The following NIPAL2 variants were observed in gnomAD, a reference collection of about 807,000 sequenced individuals.
NIPAL2 encodes NIPA like domain containing 2.
Under a neutral mutation model 48.9 loss-of-function variants are expected in NIPAL2, and 43 were observed. That is an observed-to-expected ratio of 0.88 (90% CI 0.69 to 1.13). The LOEUF is 1.13. Among genes scored for constraint, NIPAL2 ranks in the 50% most tolerant of loss-of-function variants. The pLI is 0.00. For synonymous variants in NIPAL2, 167 were observed against 174.6 expected (o/e 0.96, Z 0.34); for missense variants, 446 against 461.4 (o/e 0.97, Z 0.31).
intron 4 of NIPAL2, among the ~76,000 whole-genome samples, chr8:98,235,083 C>T (rs1812639183): frequency 6.6e-6 from 1 of 152,286 alleles, no homozygotes; most frequent in South Asian, 2.1e-4. Flanking sequence ...AGACATTACG[C>T]TCAAGGGAAA....
chr8:98,280,761 T>TATATAGAGAGAGAGAGAG lies in NIPAL2; in HGVS notation c.135+13241_135+13242insCTCTCTCTCTCTCTATAT. On this transcript the variant is annotated intron_variant, in intron 1 of 10. Coordinates refer to ENST00000430223, the MANE Select transcript of NIPAL2 (RefSeq NM_001321635.2). The stretch of plus-strand genomic sequence containing the variant: ...CTATATATATATATATATATATATA[T>TATATAGAGAGAGAGAGAG]AGAGAGAGAGAGAGAGAGAGAGAGA... Among the ~76,000 whole-genome samples the TATATAGAGAGAGAGAGAG allele has an allele frequency of 3.5e-3, 104 of 30,014 alleles. 4 individuals carry two copies. Among genetic ancestry groups the TATATAGAGAGAGAGAGAG allele is most frequent in the Non-Finnish European group, 4.4e-3 (65 of 14,696 alleles). 19.7% of individuals were successfully genotyped at this position (30,014 alleles called of 152,430 possible). A position where few individuals can be genotyped will look rare whatever the true frequency, so the allele number is the denominator to read the frequency against.
At chr8:98,254,581 G>A (rs1226346720) in intron 1 of NIPAL2, among the ~76,000 whole-genome samples, 4 of 152,170 alleles carry the variant, frequency 2.6e-5, no homozygotes, top group Non-Finnish European at 5.9e-5. Flanking sequence ...TGGATAAGAT[G>A]TTTCCAGAAA....
At chr8:98,222,381 A>C in intron 5 of NIPAL2, 98 bp downstream of exon 5, 1 of 1,247,532 alleles carries the variant, frequency 8.0e-7, no homozygotes, top group Non-Finnish European at 1.1e-6. Context: ...ATAAGATATT[A>C]GTGCTGGTAA....
intron 3 of NIPAL2, among the ~76,000 whole-genome samples, chr8:98,242,497 T>TTTTTGTTTTTTTG (rs1563516056): frequency 1.3e-4 from 19 of 147,108 alleles, no homozygotes; most frequent in African/African-American, 3.3e-4. Flanking sequence ...GATTTTTTTT[T>TTTTTGTTTTTTTG]TTTTTTTTTT....
chr8:98,290,972 C>A (rs1012007118), intron 1 of NIPAL2, among the ~76,000 whole-genome samples: 1 of 152,148 alleles, frequency 6.6e-6, no homozygotes, highest in Non-Finnish European at 1.5e-5. Context: ...GACTTTGAAG[C>A]CTCTCTGCTG....
intron 1 of NIPAL2, among the ~76,000 whole-genome samples, chr8:98,288,589 A>G (rs1404442385): frequency 2.0e-5 from 3 of 150,726 alleles, no homozygotes; most frequent in African/African-American, 7.3e-5. Context: ...TGGTATTTCC[A>G]GTTCTAGATC....
intron 5 of NIPAL2, chr8:98,217,181 TCTTC>T: frequency 1.0e-6 from 1 of 985,438 alleles, no homozygotes; most frequent in Non-Finnish European, 1.2e-6. Context: ...GCTTCTCAAA[TCTTC>T]CTTCCTTTCT....
intron 5 of NIPAL2, among the ~76,000 whole-genome samples, chr8:98,218,037 C>T (rs1405782914): frequency 6.6e-6 from 1 of 152,164 alleles, no homozygotes; most frequent in Non-Finnish European, 1.5e-5. Flanking sequence ...TGGAAATACA[C>T]AGCTTAATAA....
At chr8:98,282,934 C>A (rs1188889987) in intron 1 of NIPAL2, among the ~76,000 whole-genome samples, 1 of 152,174 alleles carries the variant, frequency 6.6e-6, no homozygotes, top group Non-Finnish European at 1.5e-5. Flanking sequence ...TTATTGTATG[C>A]TATTGGGTTG....
intron 1 of NIPAL2, among the ~76,000 whole-genome samples, chr8:98,288,314 GT>G (rs1816299593): frequency 6.7e-6 from 1 of 149,070 alleles, no homozygotes; most frequent in African/African-American, 2.5e-5. Flanking sequence ...TCTTGCGATA[GT>G]TTACTGAGAA....
intron 1 of NIPAL2, among the ~76,000 whole-genome samples, chr8:98,280,850 A>G (rs1441744255): frequency 6.7e-6 from 1 of 150,314 alleles, no homozygotes; most frequent in South Asian, 2.1e-4. Flanking sequence ...CAGGTGAGGG[A>G]CATATGGTAT....
At chr8:98,208,795 C>T (rs574187358) in intron 6 of NIPAL2, among the ~76,000 whole-genome samples, 10 of 152,244 alleles carry the variant, frequency 6.6e-5, no homozygotes, top group South Asian at 4.1e-4. Flanking sequence ...GTGGGCCACT[C>T]GCCAGAAGCC....
chr8:98,267,963 T>G (rs972159268), intron 1 of NIPAL2, among the ~76,000 whole-genome samples: 2 of 152,198 alleles, frequency 1.3e-5, no homozygotes, highest in African/African-American at 4.8e-5. Flanking sequence ...CTTCACGTCC[T>G]AAGAAACCAC....
intron 8 of NIPAL2, among the ~76,000 whole-genome samples, chr8:98,202,196 A>T (rs998846667): frequency 1.3e-5 from 2 of 152,272 alleles, no homozygotes; most frequent in Non-Finnish European, 2.9e-5. Context: ...AGAATAGCAA[A>T]GGCAGTAGTT....
chr8:98,257,825 T>C (rs1379408266), intron 1 of NIPAL2, among the ~76,000 whole-genome samples: 2 of 152,092 alleles, frequency 1.3e-5, no homozygotes, highest in Non-Finnish European at 2.9e-5. Flanking sequence ...TTTCAACCAA[T>C]TGCCAATCAG....
chr8:98,261,429 T>A (rs1405416548), intron 1 of NIPAL2, among the ~76,000 whole-genome samples: 1 of 144,258 alleles, frequency 6.9e-6, no homozygotes, highest in Non-Finnish European at 1.5e-5. Flanking sequence ...AGAGAAGTGC[T>A]TAAAGGAGCT....
chr8:98,259,596 AT>A, intron 1 of NIPAL2, among the ~76,000 whole-genome samples: 1 of 152,138 alleles, frequency 6.6e-6, no homozygotes, highest in East Asian at 1.9e-4. Context: ...AAAACAGTCT[AT>A]TTCCCTATCC....
intron 1 of NIPAL2, among the ~76,000 whole-genome samples, chr8:98,266,550 C>A (rs1303361856): frequency 3.5e-5 from 5 of 140,922 alleles, no homozygotes; most frequent in Non-Finnish European, 7.5e-5. Context: ...AAGACTCTGT[C>A]TCCAAAAAAA....
intron 1 of NIPAL2, among the ~76,000 whole-genome samples, chr8:98,284,342 A>ATAAG (rs1451056622): frequency 5.8e-4 from 88 of 152,280 alleles, no homozygotes; most frequent in African/African-American, 2.1e-3. Flanking sequence ...ACCAGGTTAT[A>ATAAG]TAAGGAAGGT....
Sources: allele counts gnomAD v4.1 joint callset (sites outside exome capture counted in the v4.1 genomes callset), GRCh38; gene constraint gnomAD v4.1.1; transcripts MANE v1.5; gene names NCBI Gene and HGNC (gene_info 2026-07-23, HGNC 2026-07-21).